The following MYT1L variants were observed in gnomAD, a reference collection of about 807,000 sequenced individuals.
MYT1L encodes myelin transcription factor 1 like.
MYT1L carries 12 observed loss-of-function variants against 126.7 expected under a neutral mutation model. The ratio of observed to expected loss-of-function variants is 0.09; its 90% confidence interval spans 0.06 to 0.15. The LOEUF is 0.15. Among genes scored for constraint, MYT1L ranks in the 10% least tolerant of loss-of-function variants. The pLI is 1.00. For missense variants in MYT1L, 979 were observed against 1,585.2 expected (o/e 0.62, Z 6.49); for synonymous variants, 541 against 604.2 (o/e 0.90, Z 1.53).
At chr2:1,826,919 G>A (rs1366227481) in intron 21 of MYT1L, 1 of 152,122 alleles carries the variant, frequency 6.6e-6, no homozygotes, top group Non-Finnish European at 1.5e-5. Context: ...GGGGTGGGGT[G>A]GGGCTCACTG....
rs189280249 is a variant in MYT1L at position 2,250,720 on chromosome 2, T to A, written c.-421+33684A>T. 2.4e-3 allele frequency among the ~76,000 whole-genome samples: 367 copies of A among 152,248 alleles called. 1 individual carries two copies. The highest frequency in any genetic ancestry group is 8.7e-3 in the African/African-American group (360 of 41,532). On this transcript the variant is annotated intron_variant, in intron 2 of 24. Transcript: ENST00000647738. ...GAGGGGATGGATACCCAATTCTCCA[T>A]GATTTGATTATTACACATTGCATGC...
chr2:1,937,278 C>T (rs1300695817), intron 9 of MYT1L, among the ~76,000 whole-genome samples: 1 of 152,236 alleles, frequency 6.6e-6, no homozygotes, highest in Non-Finnish European at 1.5e-5. Context: ...CATCATTTCG[C>T]ACATCAAGAA....
chr2:1,961,586 G>A (rs1391964341), intron 8 of MYT1L, among the ~76,000 whole-genome samples: 1 of 152,268 alleles, frequency 6.6e-6, no homozygotes, highest in Non-Finnish European at 1.5e-5. Flanking sequence ...ACACTGGCAG[G>A]TTAGAGGTAG....
chr2:2,070,654 A>G (rs926859440), intron 3 of MYT1L, among the ~76,000 whole-genome samples: 1 of 152,222 alleles, frequency 6.6e-6, no homozygotes, highest in Admixed American at 6.5e-5. Flanking sequence ...AAATCCTGAC[A>G]TGTCTCTCAA....
intron 3 of MYT1L, among the ~76,000 whole-genome samples, chr2:2,121,100 T>C (rs1315925469): frequency 6.6e-6 from 1 of 152,236 alleles, no homozygotes; most frequent in African/African-American, 2.4e-5. Context: ...TTTCATTTTA[T>C]AGTGCAACTC....
At chr2:2,105,174 G>C (rs959085396) in intron 3 of MYT1L, among the ~76,000 whole-genome samples, 3 of 152,154 alleles carry the variant, frequency 2.0e-5, no homozygotes, top group African/African-American at 4.8e-5. Flanking sequence ...TAGAAGCTCT[G>C]TGTGATTCTA....
At chr2:1,944,218 C>T (rs1416989483) in intron 8 of MYT1L, among the ~76,000 whole-genome samples, 1 of 152,036 alleles carries the variant, frequency 6.6e-6, no homozygotes, top group Non-Finnish European at 1.5e-5. Context: ...TCTCCTAATG[C>T]TATCCCTCCC....
intron 3 of MYT1L, among the ~76,000 whole-genome samples, chr2:2,122,872 T>TGTGTGTGTGTGTGTGA (rs553951630): frequency 2.6e-4 from 34 of 133,066 alleles, no homozygotes; most frequent in African/African-American, 8.3e-4. Flanking sequence ...TGTGTGTGTG[T>TGTGTGTGTGTGTGTGA]GAGAGAGAGA....
intron 4 of MYT1L, among the ~76,000 whole-genome samples, chr2:2,051,926 A>ATTT (rs143735222): frequency 7.3e-5 from 11 of 150,778 alleles, no homozygotes; most frequent in African/African-American, 2.2e-4. Context: ...TCTTAAGGTC[A>ATTT]TTTTTTTTTC....
chr2:1,856,450 G>C (rs1246053807), intron 18 of MYT1L, among the ~76,000 whole-genome samples: 1 of 152,114 alleles, frequency 6.6e-6, no homozygotes, highest in Non-Finnish European at 1.5e-5. Flanking sequence ...TTTTCCATTG[G>C]TGCACATCAC....
At chr2:1,938,872 C>A (rs1218837348) in intron 9 of MYT1L, among the ~76,000 whole-genome samples, 1 of 152,212 alleles carries the variant, frequency 6.6e-6, no homozygotes, top group Non-Finnish European at 1.5e-5. Context: ...AATACTTAAT[C>A]TTAAATTATA....
intron 8 of MYT1L, among the ~76,000 whole-genome samples, chr2:1,965,669 C>T (rs1036073381): frequency 6.6e-6 from 1 of 152,232 alleles, no homozygotes; most frequent in Non-Finnish European, 1.5e-5. Flanking sequence ...CTTTTGGCAT[C>T]ATAGCTGGTG....
chr2:1,851,590 C>T, intron 19 of MYT1L, 51 bp downstream of exon 19: 3 of 1,542,642 alleles, frequency 1.9e-6, no homozygotes, highest in Non-Finnish European at 1.8e-6. Flanking sequence ...ATATTCCTGC[C>T]ATTTCAGTGA....
At chr2:2,265,131 A>C (rs1370587990) in intron 2 of MYT1L, among the ~76,000 whole-genome samples, 2 of 151,696 alleles carry the variant, frequency 1.3e-5, no homozygotes, top group Non-Finnish European at 2.9e-5. Flanking sequence ...GGGTTCAAGA[A>C]ATTCTCCTGC....
chr2:2,287,311 A>T (rs879478746), intron 1 of MYT1L, among the ~76,000 whole-genome samples: 2 of 152,062 alleles, frequency 1.3e-5, no homozygotes, highest in Non-Finnish European at 2.9e-5. Context: ...CAAGGAGCTT[A>T]CAAGACTTTA....
intron 8 of MYT1L, among the ~76,000 whole-genome samples, chr2:1,961,466 G>T (rs2058953448): frequency 6.6e-6 from 1 of 152,188 alleles, no homozygotes; most frequent in Admixed American, 6.5e-5. Flanking sequence ...TGTGTCTCTA[G>T]AAGGCAGGGC....
Position 1,863,820 on chromosome 2 carries a change from A to G in MYT1L, c.2712-12117T>C, listed in dbSNP as rs143694893. ...GAAACAAATGACTCCTTTAAAATAG[A>G]TGGGAAGTAGATGTTATAAGGCAGA... On this transcript the variant is annotated intron_variant, in intron 18 of 24. Transcript: ENST00000647738. 3.1e-3 allele frequency among the ~76,000 whole-genome samples: 466 copies of G among 152,290 alleles called. 2 individuals carry two copies. The highest frequency in any genetic ancestry group is 0.011 in the African/African-American group (442 of 41,570).
chr2:2,240,022 G>C (rs1464228282), intron 2 of MYT1L, among the ~76,000 whole-genome samples: 1 of 152,100 alleles, frequency 6.6e-6, no homozygotes, highest in Admixed American at 6.5e-5. Context: ...GGTAGGCCAG[G>C]CACAGCGACT....
chr2:2,027,522 T>C (rs756542436), intron 4 of MYT1L, among the ~76,000 whole-genome samples: 21 of 152,196 alleles, frequency 1.4e-4, no homozygotes, highest in African/African-American at 1.9e-4. Context: ...ACGTGTAGAA[T>C]AGCGTTGTCA....
Sources: gnomAD v4.1 joint callset for allele counts (sites outside exome capture counted in the v4.1 genomes callset) on GRCh38, gnomAD v4.1.1 for gene constraint, MANE v1.5 for transcripts, NCBI Gene and HGNC (gene_info 2026-07-23, HGNC 2026-07-21) for gene names.